The following PRR5L variants were observed in gnomAD, a reference collection of about 807,000 sequenced individuals.
The protein encoded by PRR5L is proline-rich protein 5-like.
In PRR5L, 21 loss-of-function variants were observed where a neutral mutation model predicts 36.4. The observed-to-expected ratio is 0.58, with a 90% CI of 0.41 to 0.83. PRR5L has a LOEUF of 0.83. Among genes scored for constraint, PRR5L ranks in the 40% least tolerant of loss-of-function variants. The probability of loss-of-function intolerance (pLI) is 0.00; values close to 1 mark genes in which losing one functional copy is unlikely to be tolerated. For missense variants in PRR5L, 381 were observed against 473.3 expected (o/e 0.80, Z 1.81); for synonymous variants, 188 against 197.0 (o/e 0.95, Z 0.38).
rs1035167265 is a variant in PRR5L at position 36,319,030 on chromosome 11, T to G, written c.-126+22592T>G. Among the ~76,000 whole-genome samples the G allele has an allele frequency of 7.9e-5, 12 of 152,350 alleles. No individual in the cohort carries two copies. The South Asian group carries it at 2.5e-3, about 32-fold the overall frequency. On this transcript the variant is annotated intron_variant, in intron 1 of 8. Coordinates refer to ENST00000530639, the MANE Select transcript of PRR5L (RefSeq NM_001160167.2). ...GAATCCATTAATACTCATCACTTTT[T>G]TCTCTCCTGATTGGGAATAAAATGG...
At chr11:36,317,918 C>G (rs1256281314) in intron 1 of PRR5L, among the ~76,000 whole-genome samples, 1 of 152,160 alleles carries the variant, frequency 6.6e-6, no homozygotes, top group Non-Finnish European at 1.5e-5. Context: ...AATTTAGCTG[C>G]TATGGACATT....
intron 1 of PRR5L, among the ~76,000 whole-genome samples, chr11:36,306,131 G>A (rs1045517963): frequency 1.3e-5 from 2 of 151,808 alleles, no homozygotes; most frequent in South Asian, 4.2e-4. Flanking sequence ...TAAGTTCTAG[G>A]GTACATGTGC....
At chr11:36,320,513 G>A (rs941710753) in intron 1 of PRR5L, among the ~76,000 whole-genome samples, 2 of 151,960 alleles carry the variant, frequency 1.3e-5, no homozygotes, top group Admixed American at 6.6e-5. Context: ...CTGAGACGAC[G>A]CTCTGTGCCC....
intron 3 of PRR5L, among the ~76,000 whole-genome samples, chr11:36,415,872 C>G (rs1858131961): frequency 6.6e-6 from 1 of 152,204 alleles, no homozygotes; most frequent in Non-Finnish European, 1.5e-5. Flanking sequence ...GTAATACAGA[C>G]TTGAACAGCA....
chr11:36,357,100 T>C (rs1857035716), intron 1 of PRR5L, among the ~76,000 whole-genome samples: 1 of 152,178 alleles, frequency 6.6e-6, no homozygotes, highest in Non-Finnish European at 1.5e-5. Flanking sequence ...ATTATTGATA[T>C]GGAGAAAATG....
chr11:36,410,485 C>T (rs777128376), intron 3 of PRR5L, among the ~76,000 whole-genome samples: 14 of 152,154 alleles, frequency 9.2e-5, no homozygotes, highest in Non-Finnish European at 1.9e-4. Context: ...CAATGTATGG[C>T]CCCTGGCAAA....
intron 4 of PRR5L, among the ~76,000 whole-genome samples, chr11:36,422,642 G>T (rs1211143368): frequency 6.6e-6 from 1 of 152,156 alleles, no homozygotes; most frequent in Non-Finnish European, 1.5e-5. Flanking sequence ...AATGTCCTGA[G>T]TGGGGAATAA....
chr11:36,462,986 C>A lies in PRR5L; in HGVS notation c.*250C>A. On this transcript the variant is annotated 3_prime_UTR_variant, in exon 9 of 9. Coordinates refer to ENST00000530639, the MANE Select transcript of PRR5L (RefSeq NM_001160167.2). Reference sequence around the variant, plus strand: ...CCTAATGGTCACTTTCTGACTCCAGCCTTGCCAGCCTGACTCAGATCCTCA... The same window carrying A: ...CCTAATGGTCACTTTCTGACTCCAGACTTGCCAGCCTGACTCAGATCCTCA... The A allele has an allele frequency of 2.5e-6, 1 of 399,320 alleles. No individual in the cohort carries two copies. Among genetic ancestry groups the A allele is most frequent in the East Asian group, 3.9e-5 (1 of 25,766 alleles). 24.7% of individuals were successfully genotyped at this position (399,320 alleles called of 1,614,324 possible). A position where few individuals can be genotyped will look rare whatever the true frequency, so the allele number is the denominator to read the frequency against.
At chr11:36,361,348 G>A (rs1382177074) in intron 1 of PRR5L, among the ~76,000 whole-genome samples, 1 of 152,054 alleles carries the variant, frequency 6.6e-6, no homozygotes, top group Non-Finnish European at 1.5e-5. Flanking sequence ...TTTGCTTTTG[G>A]AAAATATAGC....
Position 36,401,238 on chromosome 11 carries a change from A to G in PRR5L, c.117A>G (p.Gln39=), listed in dbSNP as rs768622754. 2.5e-6 allele frequency: 4 copies of G among 1,613,646 alleles called. No individual in the cohort carries two copies. Among genetic ancestry groups the G allele is most frequent in the Non-Finnish European group, 3.4e-6 (4 of 1,179,952 alleles). Residue 39 remains glutamine (Q), a synonymous_variant, in exon 2 of 9, where the codon CAA becomes CAG. Transcript: ENST00000530639. ...SPVLSDLPRF[Q]AARQALQLSS... is the part of the protein sequence containing the mutation. ...TGCTCAGCGACCTTCCCCGATTCCA[A>G]GCAGCTCGGCAGGCTCTGCAGCTGA... is the stretch of plus-strand genomic sequence containing the variant.
chr11:36,418,916 A>C (rs1186875879), intron 3 of PRR5L, among the ~76,000 whole-genome samples: 1 of 152,198 alleles, frequency 6.6e-6, no homozygotes, highest in Non-Finnish European at 1.5e-5. Context: ...AATGTGGAGG[A>C]GTGCAAAATG....
intron 1 of PRR5L, among the ~76,000 whole-genome samples, chr11:36,362,340 CT>C (rs1857098871): frequency 6.7e-6 from 1 of 149,558 alleles, no homozygotes; most frequent in Admixed American, 6.8e-5. Flanking sequence ...GCTGACGTGC[CT>C]TTTCCCCACT....
intron 1 of PRR5L, among the ~76,000 whole-genome samples, chr11:36,338,923 C>T (rs1442444027): frequency 3.9e-5 from 6 of 152,072 alleles, no homozygotes; most frequent in East Asian, 1.9e-4. Flanking sequence ...CACGGGGGCC[C>T]GTCTTTCCCG....
chr11:36,384,222 T>C (rs938933791), intron 1 of PRR5L, among the ~76,000 whole-genome samples: 4 of 152,226 alleles, frequency 2.6e-5, no homozygotes, highest in East Asian at 1.9e-4. Context: ...TTTAGTGTTA[T>C]GGGCAAGGAA....
intron 8 of PRR5L, among the ~76,000 whole-genome samples, chr11:36,459,024 G>T (rs1392699256): frequency 5.9e-5 from 9 of 152,194 alleles, no homozygotes; most frequent in Admixed American, 5.9e-4. Context: ...AGAAAAGGAG[G>T]CTGAAAAGAA....
At chr11:36,332,835 G>A (rs1439952130) in intron 1 of PRR5L, among the ~76,000 whole-genome samples, 1 of 152,184 alleles carries the variant, frequency 6.6e-6, no homozygotes, top group Non-Finnish European at 1.5e-5. Flanking sequence ...GCTTGCTGAG[G>A]CCTCATCAGG....
intron 3 of PRR5L, among the ~76,000 whole-genome samples, chr11:36,409,315 T>A (rs780213607): frequency 2.0e-5 from 3 of 152,164 alleles, no homozygotes; most frequent in Non-Finnish European, 2.9e-5. Flanking sequence ...CAGAGATCAG[T>A]TATCTGCAGC....
At chr11:36,439,983 C>T (rs1378590082) in intron 6 of PRR5L, among the ~76,000 whole-genome samples, 5 of 152,128 alleles carry the variant, frequency 3.3e-5, no homozygotes, top group East Asian at 1.9e-4. Flanking sequence ...GTAGGAATTC[C>T]TTCTCTGATT....
chr11:36,333,282 C>G (rs1030201965), intron 1 of PRR5L, among the ~76,000 whole-genome samples: 10 of 152,140 alleles, frequency 6.6e-5, no homozygotes, highest in African/African-American at 2.4e-4. Flanking sequence ...ATTCGCTGCT[C>G]GTGGGGATGG....
Sources: allele counts gnomAD v4.1 joint callset (sites outside exome capture counted in the v4.1 genomes callset), GRCh38; gene constraint gnomAD v4.1.1; transcripts MANE v1.5; gene names NCBI Gene and HGNC (gene_info 2026-07-23, HGNC 2026-07-21).